NRXN3: variants seen among roughly 807,000 people sequenced by gnomAD.
NRXN3 encodes neurexin 3.
NRXN3 carries 32 observed loss-of-function variants against 137.6 expected under a neutral mutation model. The ratio of observed to expected loss-of-function variants is 0.23; its 90% CI spans 0.18 to 0.31. NRXN3 has a LOEUF of 0.31. Ranked by LOEUF, NRXN3 falls within the 10% of genes least tolerant of loss-of-function variation. The probability of loss-of-function intolerance (pLI) is 1.00; values close to 1 mark genes in which losing one functional copy is unlikely to be tolerated. For synonymous variants in NRXN3, 798 were observed against 784.5 expected, an observed-to-expected ratio of 1.02 and a Z score of -0.29; for missense variants, 1,574 against 2,062.5, an observed-to-expected ratio of 0.76 and a Z score of 4.59.
At chr14:79,756,403 T>G (rs2099019668) in intron 19 of NRXN3, among the ~76,000 whole-genome samples, 1 of 152,190 alleles carries the variant, frequency 6.6e-6, no homozygotes, top group Non-Finnish European at 1.5e-5. Context: ...ATTTTGCTTT[T>G]AGAGAGGATC....
At chr14:78,996,837 T>C (rs533094829) in intron 15 of NRXN3, among the ~76,000 whole-genome samples, 12 of 152,212 alleles carry the variant, frequency 7.9e-5, no homozygotes, top group Non-Finnish European at 2.9e-5. Context: ...TGCATCTGTT[T>C]TTATTCTCGG....
At chr14:78,817,598 G>A (rs923648355) in intron 10 of NRXN3, among the ~76,000 whole-genome samples, 2 of 152,150 alleles carry the variant, frequency 1.3e-5, no homozygotes, top group African/African-American at 4.8e-5. Flanking sequence ...TTTGGCGAGG[G>A]CTTCATGCTG....
chr14:79,555,957 T>C (rs186829469), intron 16 of NRXN3, among the ~76,000 whole-genome samples: 2 of 152,280 alleles, frequency 1.3e-5, no homozygotes, highest in African/African-American at 4.8e-5. Context: ...GCTGTTTGTG[T>C]CCTTACTTTT....
At chr14:79,825,167 TC>T (rs1317685083) in intron 20 of NRXN3, among the ~76,000 whole-genome samples, 1 of 151,782 alleles carries the variant, frequency 6.6e-6, no homozygotes, top group Non-Finnish European at 1.5e-5. Context: ...TTACGTAACT[TC>T]CTTTGTCAGA....
chr14:78,350,683 G>T (rs373321989), intron 4 of NRXN3, among the ~76,000 whole-genome samples: 21 of 152,184 alleles, frequency 1.4e-4, no homozygotes, highest in African/African-American at 5.1e-4. Flanking sequence ...AAATCACCCT[G>T]GTAACAATGT....
At position 79,706,419 on chromosome 14, in the gene NRXN3, CTTTTTTT is replaced by C. The variant is rs919138966; in HGVS notation, c.4014+8496_4014+8502del. On this transcript the variant is annotated intron_variant, in intron 19 of 20. Coordinates refer to ENST00000335750, the MANE Select transcript of NRXN3 (RefSeq NM_001330195.2). ...GGAAAATTAACTTGAGGCTTTTTTA[CTTTTTTT>C]TTTTTTTTTTTTTGGTCTGTTGAGA... Among the ~76,000 whole-genome samples, 105 of 115,990 alleles carry C rather than the reference CTTTTTTT, an allele frequency of 9.1e-4. 1 individual carries two copies. Among genetic ancestry groups the C allele is most frequent in the Admixed American group, 1.8e-3 (20 of 11,042 alleles). The allele number at this position is 115,990 out of a possible 152,430, so 76.1% of individuals were successfully genotyped here.
At chr14:79,082,911 A>G (rs1204261115) in intron 15 of NRXN3, among the ~76,000 whole-genome samples, 1 of 152,228 alleles carries the variant, frequency 6.6e-6, no homozygotes, top group Non-Finnish European at 1.5e-5. Context: ...TCTCTTGTAT[A>G]TTCAGAGTAC....
intron 15 of NRXN3, among the ~76,000 whole-genome samples, chr14:79,351,015 C>G (rs1049905183): frequency 2.0e-5 from 3 of 152,068 alleles, no homozygotes; most frequent in African/African-American, 7.2e-5. Context: ...AATGACTTCC[C>G]CAGAGACACA....
At chr14:78,700,478 A>G (rs1052540938) in intron 6 of NRXN3, among the ~76,000 whole-genome samples, 1 of 152,196 alleles carries the variant, frequency 6.6e-6, no homozygotes, top group Admixed American at 6.5e-5. Context: ...CATGGCTCTA[A>G]GAAATGGGAG....
intron 3 of NRXN3, among the ~76,000 whole-genome samples, chr14:78,296,629 CTA>C (rs2076370919): frequency 6.6e-6 from 1 of 152,146 alleles, no homozygotes; most frequent in Non-Finnish European, 1.5e-5. Flanking sequence ...AATACTAAAA[CTA>C]TCTATTTAAA....
intron 15 of NRXN3, chr14:79,279,734 C>G (rs2080944573): frequency 3.0e-6 from 3 of 987,340 alleles, no homozygotes; most frequent in Non-Finnish European, 3.6e-6. Context: ...CCAGGAACAC[C>G]CGAAGAACTC....
chr14:79,698,777 T>C (rs1339784212), intron 19 of NRXN3, among the ~76,000 whole-genome samples: 1 of 151,970 alleles, frequency 6.6e-6, no homozygotes, highest in Non-Finnish European at 1.5e-5. Flanking sequence ...CTAGTTAGTG[T>C]TTATAGAAAA....
At chr14:79,662,820 C>T (rs985242215) in intron 16 of NRXN3, among the ~76,000 whole-genome samples, 8 of 151,954 alleles carry the variant, frequency 5.3e-5, no homozygotes, top group African/African-American at 1.2e-4. Context: ...CTCACTATCA[C>T]GAGAACAGGA....
intron 15 of NRXN3, among the ~76,000 whole-genome samples, chr14:79,393,202 A>G (rs1312155171): frequency 6.6e-6 from 1 of 152,118 alleles, no homozygotes; most frequent in Non-Finnish European, 1.5e-5. Context: ...CCAGACAGAC[A>G]TTGTAATTAC....
At chr14:78,280,689 A>G (rs1017495313) in intron 3 of NRXN3, among the ~76,000 whole-genome samples, 10 of 152,150 alleles carry the variant, frequency 6.6e-5, no homozygotes, top group Non-Finnish European at 1.2e-4. Flanking sequence ...CAAAAGGGGC[A>G]TCTTTTTCTA....
chr14:79,831,555 A>G (rs2099323690), intron 20 of NRXN3, among the ~76,000 whole-genome samples: 1 of 152,106 alleles, frequency 6.6e-6, no homozygotes, highest in Non-Finnish European at 1.5e-5. Flanking sequence ...TTTTATTGTT[A>G]TTTTGCCAAA....
chr14:78,487,555 C>T (rs2095583132), intron 4 of NRXN3, among the ~76,000 whole-genome samples: 1 of 151,992 alleles, frequency 6.6e-6, no homozygotes, highest in Non-Finnish European at 1.5e-5. Context: ...CCAGCCTGGC[C>T]AACATGGTGA....
At chr14:79,386,352 T>G (rs1469553735) in intron 15 of NRXN3, among the ~76,000 whole-genome samples, 1 of 152,072 alleles carries the variant, frequency 6.6e-6, no homozygotes, top group Non-Finnish European at 1.5e-5. Context: ...CCACTCACAA[T>G]TGCTTCAAAG....
chr14:79,257,444 A>G (rs145942632), intron 15 of NRXN3, among the ~76,000 whole-genome samples: 181 of 13,952 alleles, frequency 0.013, 11 homozygotes, highest in Middle Eastern at 0.045. Context: ...TGGTGGTGGT[A>G]GTGATGGTGG....
Sources: allele counts gnomAD v4.1 joint callset (sites outside exome capture counted in the v4.1 genomes callset), GRCh38; gene constraint gnomAD v4.1.1; transcripts MANE v1.5; gene names NCBI Gene and HGNC (gene_info 2026-07-23, HGNC 2026-07-21).